Variants in ASMTL observed in about 807,000 individuals in gnomAD.
The protein encoded by ASMTL is acetylserotonin O-methyltransferase like.
ASMTL carries 57 observed loss-of-function variants against 60.3 expected under a neutral mutation model. The observed-to-expected ratio is 0.95, with a 90% confidence interval of 0.76 to 1.18. The LOEUF (loss-of-function observed/expected upper bound fraction) is 1.18. Among genes scored for constraint, ASMTL ranks in the 50% most tolerant of loss-of-function variants. The pLI is 0.00. For synonymous variants in ASMTL, 419 were observed against 373.0 expected (o/e 1.12, Z -1.42); for missense variants, 981 against 852.6 (o/e 1.15, Z -1.88).
chrX:1,405,205 GATA>G lies in ASMTL; in HGVS notation c.1646-1719_1646-1717del, dbSNP rs1351959645. Among the ~76,000 whole-genome samples the G allele has an allele frequency of 3.9e-3, 480 of 123,452 alleles. 1 individual carries two copies. The highest frequency in any genetic ancestry group is 7.3e-3 in the African/African-American group (249 of 34,288). 81.0% of individuals were successfully genotyped at this position (123,452 alleles called of 152,430 possible). A position where few individuals can be genotyped will look rare whatever the true frequency, so the allele number is the denominator to read the frequency against. On this transcript the variant is annotated intron_variant, in intron 12 of 12. Coordinates refer to ENST00000381317, the MANE Select transcript of ASMTL (RefSeq NM_004192.4). ...ATAGATGGTAGATGATGGGTACGTA[GATA>G]GATGAATGGATGGATAGATGGATGG... is the stretch of plus-strand genomic sequence containing the variant.
intron 12 of ASMTL, among the ~76,000 whole-genome samples, chrX:1,407,437 A>G (rs1307863115): frequency 6.6e-6 from 1 of 150,830 alleles, no homozygotes; most frequent in Non-Finnish European, 1.5e-5. Flanking sequence ...GGATGGGTGA[A>G]TAGATGGTAG....
intron 1 of ASMTL, among the ~76,000 whole-genome samples, chrX:1,449,652 ACC>A (rs1286020317): frequency 7.5e-6 from 1 of 133,848 alleles, no homozygotes; most frequent in African/African-American, 2.6e-5. Context: ...ACCAGTAACT[ACC>A]CCCCATCACC....
chrX:1,417,120 C>T (rs1466661904), intron 11 of ASMTL, among the ~76,000 whole-genome samples: 2 of 151,880 alleles, frequency 1.3e-5, no homozygotes, highest in African/African-American at 4.8e-5. Context: ...CACCCAGACA[C>T]ATGCACACAG....
At chrX:1,432,778 G>A (rs7879320) in intron 5 of ASMTL, among the ~76,000 whole-genome samples, 1,498 of 102,676 alleles carry the variant, frequency 0.015, no homozygotes, top group Admixed American at 0.026. Flanking sequence ...GCAGTGAGCC[G>A]AGATCGCGCC....
intron 5 of ASMTL, among the ~76,000 whole-genome samples, chrX:1,433,772 C>T (rs1268510814): frequency 1.3e-5 from 2 of 151,820 alleles, no homozygotes; most frequent in South Asian, 2.1e-4. Context: ...TGTGCCACGG[C>T]GGGCATGGAG....
chrX:1,427,313 T>C lies in ASMTL; in HGVS notation c.897+421A>G, dbSNP rs188505361. 1.6e-3 allele frequency among the ~76,000 whole-genome samples: 238 copies of C among 151,552 alleles called. 1 individual carries two copies. The highest frequency in any genetic ancestry group is 5.5e-3 in the African/African-American group (228 of 41,294). Reference sequence around the variant, plus strand: ...ACTGAACTGTGGTCCTCCTGAAAGATCTGTCCATATCCTGATCCCCAGAAT... The same window carrying C: ...ACTGAACTGTGGTCCTCCTGAAAGACCTGTCCATATCCTGATCCCCAGAAT... On this transcript the variant is annotated intron_variant, in intron 7 of 12. Transcript: ENST00000381317.
At chrX:1,441,974 G>C (rs2091119439) in intron 2 of ASMTL, 2 of 584,946 alleles carry the variant, frequency 3.4e-6, no homozygotes, top group East Asian at 5.7e-5. Flanking sequence ...ATAACACACA[G>C]TAACAGATAA....
At chrX:1,433,248 C>A (rs1569533939) in intron 5 of ASMTL, among the ~76,000 whole-genome samples, 1 of 151,958 alleles carries the variant, frequency 6.6e-6, no homozygotes, top group Non-Finnish European at 1.5e-5. Context: ...CGCAGGGGAC[C>A]TTATGTTAAT....
intron 9 of ASMTL, among the ~76,000 whole-genome samples, chrX:1,420,309 A>G (rs866109770): frequency 8.3e-6 from 1 of 121,110 alleles, no homozygotes; most frequent in African/African-American, 2.8e-5. Flanking sequence ...GTCTCCCTCT[A>G]TCTCCCTGTC....
intron 5 of ASMTL, among the ~76,000 whole-genome samples, chrX:1,432,979 T>A (rs1294937466): frequency 1.5e-4 from 23 of 152,126 alleles, no homozygotes; most frequent in Non-Finnish European, 3.1e-4. Context: ...GCACCTGTCA[T>A]CCCAGCTACT....
chrX:1,432,658 T>C (rs1382656783), intron 5 of ASMTL, among the ~76,000 whole-genome samples: 2 of 151,258 alleles, frequency 1.3e-5, no homozygotes, highest in Middle Eastern at 3.2e-3. Context: ...TGAAACCCCG[T>C]CTCTACTAAA....
chrX:1,432,202 C>T (rs1437864963), intron 6 of ASMTL, 67 bp downstream of exon 6: 3 of 1,328,188 alleles, frequency 2.3e-6, no homozygotes, highest in East Asian at 2.4e-5. Context: ...GGGTGGGACA[C>T]CCCACGTGTG....
intron 6 of ASMTL, among the ~76,000 whole-genome samples, chrX:1,431,152 A>ATTT: frequency 8.0e-6 from 1 of 124,230 alleles, no homozygotes; most frequent in African/African-American, 3.4e-5. Context: ...ATATAATTAT[A>ATTT]TATAATTTAT....
rs1247633241 is a variant in ASMTL at position 1,427,798 on chromosome X, C to T, written c.833G>A (p.Arg278Gln). The change falls in exon 7 of 13, where the codon CGG (arginine) becomes CAG (glutamine). Residue 278 changes from arginine (R) to glutamine (Q), a missense_variant. Transcript: ENST00000381317. Reference protein sequence around the residue: ...ATAEAECHRTRETLPPFPTRL... With the variant: ...ATAEAECHRTQETLPPFPTRL... Reference sequence around the variant, plus strand: ...TGTCGGGAACGGAGGCAGGGTCTCCCGAGTCCTGTGACACTCAGCCTCTGC... The same window carrying T: ...TGTCGGGAACGGAGGCAGGGTCTCCTGAGTCCTGTGACACTCAGCCTCTGC... The T allele has an allele frequency of 3.7e-6, 6 of 1,612,662 alleles. No individual in the cohort carries two copies. The highest frequency in any genetic ancestry group is 4.5e-5 in the East Asian group (2 of 44,898).
At chrX:1,449,699 C>A (rs190403385) in intron 1 of ASMTL, among the ~76,000 whole-genome samples, 4,147 of 136,148 alleles carry the variant, frequency 0.03, 93 homozygotes, top group South Asian at 0.052. Context: ...CCAGTAACTA[C>A]CCCCCATCAC....
intron 2 of ASMTL, among the ~76,000 whole-genome samples, chrX:1,439,561 T>C (rs1328716431): frequency 1.3e-5 from 2 of 152,124 alleles, no homozygotes; most frequent in Non-Finnish European, 2.9e-5. Context: ...AAAAAGCTAC[T>C]TAGGGCTGGG....
intron 8 of ASMTL, among the ~76,000 whole-genome samples, chrX:1,422,951 T>C (rs569839551): frequency 6.6e-6 from 1 of 152,174 alleles, no homozygotes; most frequent in African/African-American, 2.4e-5. Flanking sequence ...TTTCTTTCTT[T>C]TAATTTTTTA....
chrX:1,418,971 G>T lies in ASMTL; in HGVS notation c.1378+11C>A, dbSNP rs1301421906. On this transcript the variant is annotated intron_variant, in intron 10 of 12. Transcript: ENST00000381317. ...GAAAGTAAGGAGAGCCCTGGCGGGG[G>T]GGCCACCCACCTCCCACGTCGCAGG... The T allele has an allele frequency of 4.3e-6, 7 of 1,611,666 alleles. No individual in the cohort carries two copies. In the Admixed American group the frequency reaches 1.2e-4, roughly 27 times the overall value.
intron 12 of ASMTL, among the ~76,000 whole-genome samples, chrX:1,405,892 G>A (rs761718746): frequency 3.8e-4 from 57 of 150,624 alleles, no homozygotes; most frequent in African/African-American, 1.2e-3. Context: ...AGATGGATGG[G>A]TGAATAGATG....
Sources: gnomAD v4.1 joint callset for allele counts (sites outside exome capture counted in the v4.1 genomes callset) on GRCh38, gnomAD v4.1.1 for gene constraint, MANE v1.5 for transcripts, NCBI Gene and HGNC (gene_info 2026-07-23, HGNC 2026-07-21) for gene names.